The following IL7 variants were observed in gnomAD, a reference collection of about 807,000 sequenced individuals.
IL7 encodes the protein interleukin 7.
A neutral mutation model predicts 21.6 loss-of-function variants in IL7; 3 were observed. That is an observed-to-expected ratio of 0.14 (90% CI 0.06 to 0.36). The LOEUF (loss-of-function observed/expected upper bound fraction) is 0.36. Among genes scored for constraint, IL7 ranks in the 10% least tolerant of loss-of-function variants. IL7 has a pLI of 1.00. For synonymous variants in IL7, 62 were observed against 68.1 expected, an observed-to-expected ratio of 0.91 and a Z score of 0.44; for missense variants, 175 against 200.2, an observed-to-expected ratio of 0.87 and a Z score of 0.76.
chr8:78,690,117 A>G (rs1464074826), intron 3 of IL7, among the ~76,000 whole-genome samples: 1 of 152,222 alleles, frequency 6.6e-6, no homozygotes, highest in East Asian at 1.9e-4. Flanking sequence ...ATATAAATGT[A>G]TGGGTTTATT....
At chr8:78,746,476 A>G (rs969493031) in intron 2 of IL7, among the ~76,000 whole-genome samples, 3 of 152,262 alleles carry the variant, frequency 2.0e-5, no homozygotes, top group Non-Finnish European at 2.9e-5. Context: ...TGTAAGAGAA[A>G]GCAAGGAGGA....
intron 2 of IL7, among the ~76,000 whole-genome samples, chr8:78,788,950 G>C (rs1813598460): frequency 6.6e-6 from 1 of 152,002 alleles, no homozygotes; most frequent in South Asian, 2.1e-4. Context: ...TGGATAATTG[G>C]CCCTTTATTA....
chr8:78,765,593 T>C (rs1812730898), intron 2 of IL7, among the ~76,000 whole-genome samples: 1 of 152,050 alleles, frequency 6.6e-6, no homozygotes, highest in South Asian at 2.1e-4. Flanking sequence ...TTCAACAGCA[T>C]ATGCCATCAG....
At chr8:78,804,097 T>G (rs1450727501) in intron 1 of IL7, among the ~76,000 whole-genome samples, 1 of 152,100 alleles carries the variant, frequency 6.6e-6, no homozygotes, top group Non-Finnish European at 1.5e-5. Flanking sequence ...TTTGGCTCTT[T>G]CATTGGTCAT....
intron 2 of IL7, among the ~76,000 whole-genome samples, chr8:78,785,123 T>A (rs555177854): frequency 5.3e-5 from 8 of 152,228 alleles, no homozygotes; most frequent in African/African-American, 1.9e-4. Flanking sequence ...TATTCTTCCT[T>A]GCTCTTGAAA....
rs1265636154 is a variant in IL7 at position 78,737,812 on chromosome 8, CAAATA to C, written c.360+687_360+691del. Among the ~76,000 whole-genome samples, 3 of 151,996 alleles carry C rather than the reference CAAATA, an allele frequency of 2.0e-5. No individual in the cohort carries two copies. In the East Asian group the frequency reaches 5.8e-4, roughly 29 times the overall value. Reference sequence around the variant, plus strand: ...AAAATCCAAAAAGAGGTAAATAATACAAATAAAATAAAGCACTGTATTAAATATTG... The same window carrying C: ...AAAATCCAAAAAGAGGTAAATAATACAAATAAAGCACTGTATTAAATATTG... On this transcript the variant is annotated intron_variant, in intron 4 of 5. Transcript: ENST00000263851.
chr8:78,801,158 G>T (rs557203014), intron 1 of IL7, among the ~76,000 whole-genome samples: 68 of 152,200 alleles, frequency 4.5e-4, no homozygotes, highest in African/African-American at 1.6e-3. Context: ...TGAATAATTA[G>T]CCCCAGACAG....
intron 2 of IL7, among the ~76,000 whole-genome samples, chr8:78,789,291 G>C (rs1315603005): frequency 1.3e-5 from 2 of 152,020 alleles, no homozygotes; most frequent in Non-Finnish European, 2.9e-5. Flanking sequence ...CAACTGATTA[G>C]TCATGCTACT....
At chr8:78,675,806 A>G (rs370653445) in exon 5 of IL7, 43 of 1,609,514 alleles carry the variant, frequency 2.7e-5, no homozygotes, top group Non-Finnish European at 3.6e-5. Flanking sequence ...GTGTTGTCCA[A>G]GTTGGAGAAT....
downstream of IL7, chr8:78,717,204 A>T: frequency 2.4e-6 from 2 of 826,440 alleles, no homozygotes; most frequent in Non-Finnish European, 3.5e-6. Context: ...AATTTGAACT[A>T]GAGGAATATT....
At chr8:78,789,526 G>C (rs1813617003) in intron 2 of IL7, among the ~76,000 whole-genome samples, 1 of 152,116 alleles carries the variant, frequency 6.6e-6, no homozygotes, top group Non-Finnish European at 1.5e-5. Flanking sequence ...AATCCTGATA[G>C]GTGCTGGGGG....
intron 2 of IL7, among the ~76,000 whole-genome samples, chr8:78,758,147 T>C (rs1812415287): frequency 6.6e-6 from 1 of 152,070 alleles, no homozygotes; most frequent in African/African-American, 2.4e-5. Flanking sequence ...ATATAGTGTC[T>C]TTACCCATGA....
chr8:78,765,028 TA>T (rs985349967), intron 2 of IL7, among the ~76,000 whole-genome samples: 59 of 152,232 alleles, frequency 3.9e-4, no homozygotes, highest in African/African-American at 1.4e-3. Flanking sequence ...TCGACTCACC[TA>T]AGTATAATCC....
chr8:78,772,614 A>G (rs144211741), intron 2 of IL7, among the ~76,000 whole-genome samples: 3 of 152,284 alleles, frequency 2.0e-5, no homozygotes, highest in African/African-American at 7.2e-5. Context: ...TGTTGTACAA[A>G]GAAACCAATT....
At chr8:78,716,853 G>T (rs937761432), downstream of IL7, among the ~76,000 whole-genome samples, 16 of 152,208 alleles carry the variant, frequency 1.1e-4, no homozygotes, top group African/African-American at 3.6e-4. Flanking sequence ...AGTTCTCAAT[G>T]TATCTGATTG....
chr8:78,764,296 C>T (rs1457157013), intron 2 of IL7, among the ~76,000 whole-genome samples: 3 of 152,032 alleles, frequency 2.0e-5, no homozygotes, highest in African/African-American at 7.2e-5. Context: ...TATCTCCCTT[C>T]ACTTCAGCTT....
chr8:78,789,228 T>C (rs1813608673), intron 2 of IL7, among the ~76,000 whole-genome samples: 1 of 152,172 alleles, frequency 6.6e-6, no homozygotes, highest in African/African-American at 2.4e-5. Context: ...AAAAAAGTTA[T>C]TCATAAAACA....
At chr8:78,760,883 G>A (rs1480955166) in intron 2 of IL7, 1 of 1,561,920 alleles carries the variant, frequency 6.4e-7, no homozygotes, top group Non-Finnish European at 8.7e-7. Flanking sequence ...CAGTACTGCA[G>A]TCAAGCTACC....
intron 4 of IL7, among the ~76,000 whole-genome samples, chr8:78,684,014 A>G (rs1256813949): frequency 3.3e-5 from 5 of 152,202 alleles, no homozygotes; most frequent in African/African-American, 1.2e-4. Context: ...TATCACTATT[A>G]GCATTTTGGT....
Sources: allele counts gnomAD v4.1 joint callset (sites outside exome capture counted in the v4.1 genomes callset), GRCh38; gene constraint gnomAD v4.1.1; transcripts MANE v1.5; gene names NCBI Gene and HGNC (gene_info 2026-07-23, HGNC 2026-07-21).